SMCO4: variants seen among roughly 807,000 people sequenced by gnomAD.
SMCO4 encodes single-pass membrane and coiled-coil domain-containing protein 4.
In SMCO4, 4 loss-of-function variants were observed where a neutral mutation model predicts 3.6. The observed-to-expected ratio is 1.11, with a 90% CI of 0.54 to 2.53. The LOEUF (loss-of-function observed/expected upper bound fraction) is 2.53, where lower values mean the gene tolerates loss of function less well. Among genes scored for constraint, SMCO4 ranks in the 30% most tolerant of loss-of-function variants. The pLI, the probability that SMCO4 is intolerant of heterozygous loss-of-function variation, is 0.02. For missense variants in SMCO4, 70 were observed against 80.8 expected (o/e 0.87, Z 0.51); for synonymous variants, 36 against 35.3 (o/e 1.02, Z -0.07).
intron 2 of SMCO4, chr11:93,481,337 T>C (rs1221183937): frequency 7.4e-6 from 5 of 671,466 alleles, no homozygotes; most frequent in Non-Finnish European, 9.2e-6. Flanking sequence ...GCGGTACAGG[T>C]GGGCTGAGAC....
At chr11:93,539,036 T>C (rs1456821455) in intron 1 of SMCO4, among the ~76,000 whole-genome samples, 1 of 152,172 alleles carries the variant, frequency 6.6e-6, no homozygotes, top group East Asian at 1.9e-4. Context: ...TACAGATCAT[T>C]GCAGTGACAC....
chr11:93,552,152 C>CTT, the SMCO4 span, among the ~76,000 whole-genome samples: 2,917 of 108,970 alleles, frequency 0.027, 145 homozygotes, highest in Non-Finnish European at 0.039. Context: ...CTCATCACTA[C>CTT]TTTTTTTTTT....
At chr11:93,512,947 G>A (rs566742700) in intron 1 of SMCO4, among the ~76,000 whole-genome samples, 1 of 152,308 alleles carries the variant, frequency 6.6e-6, no homozygotes, top group African/African-American at 2.4e-5. Context: ...TCAAAGCCTG[G>A]CACATCTAGA....
At chr11:93,528,072 TTTTAATAGTTATAAAGAC>T (rs1479838925) in intron 1 of SMCO4, among the ~76,000 whole-genome samples, 1 of 151,978 alleles carries the variant, frequency 6.6e-6, no homozygotes, top group Non-Finnish European at 1.5e-5. Context: ...TCATTAATAA[TTTTAATAGTTATAAAGAC>T]AGTACATGCT....
At chr11:93,512,022 G>A (rs56229324) in intron 1 of SMCO4, among the ~76,000 whole-genome samples, 2 of 152,134 alleles carry the variant, frequency 1.3e-5, no homozygotes, top group South Asian at 4.1e-4. Context: ...TCAGTGTTTA[G>A]TATTAGAAGT....
intron 2 of SMCO4, among the ~76,000 whole-genome samples, chr11:93,483,925 G>T (rs2134570230): frequency 6.6e-6 from 1 of 152,282 alleles, no homozygotes; most frequent in African/African-American, 2.4e-5. Context: ...CCCTTGCAGA[G>T]AGAAATAAAT....
intron 1 of SMCO4, among the ~76,000 whole-genome samples, chr11:93,528,516 C>T (rs1422976422): frequency 6.6e-6 from 1 of 152,176 alleles, no homozygotes; most frequent in Non-Finnish European, 1.5e-5. Context: ...TCAGGGAGCA[C>T]CAGGGCTGAA....
chr11:93,491,667 T>C (rs111705021), intron 2 of SMCO4, among the ~76,000 whole-genome samples: 35 of 152,294 alleles, frequency 2.3e-4, no homozygotes, highest in African/African-American at 7.9e-4. Context: ...TTAACAAATA[T>C]CAGTATTGGT....
rs878899435 is a variant in SMCO4 at position 93,478,713 on chromosome 11, G to GCGCA, written c.*296_*297insTGCG. The GCGCA allele has an allele frequency of 3.5e-5, 8 of 225,998 alleles. No homozygotes were observed. Among genetic ancestry groups the GCGCA allele is most frequent in the Non-Finnish European group, 4.7e-5 (6 of 128,616 alleles). 14.0% of individuals were successfully genotyped at this position (225,998 alleles called of 1,614,324 possible). On this transcript the variant is annotated 3_prime_UTR_variant, in exon 3 of 3. Transcript: ENST00000298966. ...ATCGATTTTTAGGAGAGAAAAAGAAGCACACACACACACACACACACACAC... is the reference window on the plus strand; with the variant it reads ...ATCGATTTTTAGGAGAGAAAAAGAAGCGCACACACACACACACACACACACACAC...
intron 2 of SMCO4, among the ~76,000 whole-genome samples, chr11:93,497,106 G>T (rs1243489136): frequency 6.6e-6 from 1 of 152,124 alleles, no homozygotes; most frequent in Non-Finnish European, 1.5e-5. Context: ...ATAGAAGCTG[G>T]TTTTTTATTA....
chr11:93,546,835 AT>A (rs1172248347), upstream of SMCO4, among the ~76,000 whole-genome samples: 1 of 152,188 alleles, frequency 6.6e-6, no homozygotes, highest in Non-Finnish European at 1.5e-5. Flanking sequence ...CTACAGAGAT[AT>A]TGGTACTGTT....
chr11:93,547,306 C>A (rs1348566126), upstream of SMCO4, among the ~76,000 whole-genome samples: 2 of 152,166 alleles, frequency 1.3e-5, no homozygotes, highest in Non-Finnish European at 2.9e-5. Flanking sequence ...GAACAGGACA[C>A]CTTGAATGAA....
chr11:93,481,869 G>C (rs1948596274), intron 2 of SMCO4, among the ~76,000 whole-genome samples: 1 of 152,250 alleles, frequency 6.6e-6, no homozygotes, highest in African/African-American at 2.4e-5. Flanking sequence ...TGGCACCCCA[G>C]GCCTGGGGCT....
chr11:93,478,713 G>GCACACACA lies in SMCO4; in HGVS notation c.*289_*296dup, dbSNP rs58177836. 1,030 of 226,086 alleles carry GCACACACA rather than the reference G, an allele frequency of 4.6e-3. 6 individuals carry two copies. The highest frequency in any genetic ancestry group is 0.012 in the African/African-American group (512 of 41,768). 14.0% of individuals were successfully genotyped at this position (226,086 alleles called of 1,614,324 possible). A position where few individuals can be genotyped will look rare whatever the true frequency, so the allele number is the denominator to read the frequency against. On this transcript the variant is annotated 3_prime_UTR_variant, in exon 3 of 3. Transcript: ENST00000298966. Reference sequence around the variant, plus strand: ...ATCGATTTTTAGGAGAGAAAAAGAAGCACACACACACACACACACACACAC... The same window carrying GCACACACA: ...ATCGATTTTTAGGAGAGAAAAAGAAGCACACACACACACACACACACACACACACACAC...
rs1375064346 is a variant in SMCO4, at chr11:93,536,369, C to T, written c.-154+6907G>A. Among the ~76,000 whole-genome samples, 3 of 152,100 alleles carry T rather than the reference C, an allele frequency of 2.0e-5. No individual in the cohort carries two copies. The East Asian group carries it at 5.8e-4, about 29-fold the overall frequency. ...ATATGTATGAATGAAGATATAATAG[C>T]AAAACTAATGAGTTAGTTTATATGT... On this transcript the variant is annotated intron_variant, in intron 1 of 2. Transcript: ENST00000298966.
the SMCO4 span, among the ~76,000 whole-genome samples, chr11:93,552,974 A>G: frequency 6.6e-6 from 1 of 152,286 alleles, no homozygotes; most frequent in African/African-American, 2.4e-5. Flanking sequence ...CCCAAGCTAG[A>G]CTATTCAGAT....
Position 93,520,999 on chromosome 11 carries a change from A to G in SMCO4, c.-153-21651T>C, listed in dbSNP as rs1949052438. Among the ~76,000 whole-genome samples the G allele has an allele frequency of 2.0e-5, 3 of 152,232 alleles. No homozygotes were observed. The South Asian group carries it at 6.2e-4, about 31-fold the overall frequency. ...CAAAACCACCAGTTTAAGCCTATAC[A>G]TTGCTATATTCAGTTTTAGGAAACT... is the stretch of plus-strand genomic sequence containing the variant. On this transcript the variant is annotated intron_variant, in intron 1 of 2. Transcript: ENST00000298966.
At position 93,499,273 on chromosome 11, in the gene SMCO4, T is replaced by C. The variant is rs1351964346; in HGVS notation, c.-81+3A>G. On this transcript the variant is annotated splice_donor_region_variant and intron_variant, in intron 2 of 2. Transcript: ENST00000298966. ...TGAGTTTCCCTTATAAGAGAATGTTTACCTTTTCTTCAACTTCAAGAATCG... is the reference window on the plus strand; with the variant it reads ...TGAGTTTCCCTTATAAGAGAATGTTCACCTTTTCTTCAACTTCAAGAATCG... The C allele has an allele frequency of 6.6e-6, 1 of 152,262 alleles. No individual in the cohort carries two copies. Among genetic ancestry groups the C allele is most frequent in the South Asian group, 2.1e-4 (1 of 4,836 alleles). The allele number at this position is 152,262 out of a possible 1,614,324, so 9.4% of individuals were successfully genotyped here.
At chr11:93,510,634 T>C (rs1948948575) in intron 1 of SMCO4, among the ~76,000 whole-genome samples, 1 of 152,066 alleles carries the variant, frequency 6.6e-6, no homozygotes. Flanking sequence ...AGCTGTCTCA[T>C]GGCTGAATTG....
Sources: allele counts gnomAD v4.1 joint callset (sites outside exome capture counted in the v4.1 genomes callset), GRCh38; gene constraint gnomAD v4.1.1; transcripts MANE v1.5; gene names NCBI Gene and HGNC (gene_info 2026-07-23, HGNC 2026-07-21).